The following TAF6 variants were observed in gnomAD, a reference collection of about 807,000 sequenced individuals.
TAF6 encodes transcription initiation factor TFIID subunit 6.
In TAF6, 50 loss-of-function variants were observed where a neutral mutation model predicts 73.5. The observed-to-expected ratio is 0.68, with a 90% CI of 0.54 to 0.86. The LOEUF is 0.86. Among genes scored for constraint, TAF6 ranks in the 40% least tolerant of loss-of-function variants. TAF6 has a pLI of 0.00. For missense variants in TAF6, 768 were observed against 899.5 expected, an observed-to-expected ratio of 0.85 and a Z score of 1.87; for synonymous variants, 424 against 376.7, an observed-to-expected ratio of 1.13 and a Z score of -1.45.
At chr7:100,107,700 C>G (rs1446823513) in intron 14 of TAF6, 77 bp from the exon 15 acceptor site, 2 of 1,551,080 alleles carry the variant, frequency 1.3e-6, no homozygotes, top group African/African-American at 2.8e-5. Context: ...ACGCTTCACT[C>G]GCTCCCTGCC....
At chr7:100,121,781 TG>T (rs772444835), upstream of TAF6, among the ~76,000 whole-genome samples, 1 of 147,004 alleles carries the variant, frequency 6.8e-6, no homozygotes, top group Non-Finnish European at 1.5e-5. Flanking sequence ...CCGGGCGTGG[TG>T]GCTCACGCCT....
intron 1 of TAF6, chr7:100,118,947 C>T: frequency 1.0e-6 from 1 of 985,390 alleles, no homozygotes; most frequent in South Asian, 4.7e-5. Flanking sequence ...CCTACGAATC[C>T]TTCAATACCC....
upstream of TAF6, chr7:100,124,675 C>G (rs1280620877): frequency 6.2e-7 from 1 of 1,611,848 alleles, no homozygotes. Context: ...GCCATAGCCT[C>G]CCCTGCCTCC....
chr7:100,111,550 TAGC>T (rs1797182473), intron 9 of TAF6, among the ~76,000 whole-genome samples, 175 bp downstream of exon 9: 1 of 152,104 alleles, frequency 6.6e-6, no homozygotes. Flanking sequence ...TTTGTAGAGA[TAGC>T]AGTCTCACTA....
upstream of TAF6, chr7:100,122,309 C>G (rs537019181): frequency 4.3e-6 from 7 of 1,613,928 alleles, no homozygotes; most frequent in African/African-American, 6.7e-5. Flanking sequence ...TCGCACCGGT[C>G]GATCTCGAGA....
chr7:100,125,300 C>T, the TAF6 span: 1 of 173,100 alleles, frequency 5.8e-6, no homozygotes, highest in African/African-American at 2.4e-5. Flanking sequence ...TCTCTGCGAT[C>T]TATATACATT....
upstream of TAF6, chr7:100,121,112 A>ATTTTTTTTTTTTTTTTTT (rs1798040006): frequency 9.8e-5 from 3 of 30,710 alleles, no homozygotes; most frequent in Non-Finnish European, 1.8e-4. Context: ...ATATATATAT[A>ATTTTTTTTTTTTTTTTTT]TATATTTTTT....
chr7:100,122,967 T>C, upstream of TAF6: 1 of 1,546,786 alleles, frequency 6.5e-7, no homozygotes, highest in Non-Finnish European at 8.8e-7. Context: ...GGGAGCTAGG[T>C]TCTAGGGTTT....
intron 10 of TAF6, among the ~76,000 whole-genome samples, chr7:100,110,553 C>T (rs568557781): frequency 1.4e-5 from 2 of 147,214 alleles, no homozygotes; most frequent in South Asian, 2.2e-4. Flanking sequence ...GGCTCATACC[C>T]GTAATCCCAG....
chr7:100,113,908 G>A lies in TAF6; in HGVS notation c.203C>T (p.Thr68Ile). The A allele has an allele frequency of 5.6e-6, 9 of 1,614,052 alleles. No individual in the cohort carries two copies. Among genetic ancestry groups the A allele is most frequent in the South Asian group, 2.2e-5 (2 of 91,084 alleles). ...CTTCAAGGCGTAGTCAATGTCACTG[G>A]TGGTGAGCTTCTGCCGCTTCCCCAT... is the stretch of plus-strand genomic sequence containing the variant. The part of the protein sequence containing the change: ...MHMGKRQKLT[T>I]SDIDYALKLK... The change falls in exon 3 of 15, where the codon ACC (threonine) becomes ATC (isoleucine). Residue 68 changes from threonine to isoleucine, a missense_variant. Physicochemically the swap from Thr to Ile is moderately conservative, Grantham distance 89. Coordinates refer to ENST00000453269, the MANE Select transcript of TAF6 (RefSeq NM_139315.3).
At chr7:100,122,140 C>G, upstream of TAF6, 1 of 1,301,606 alleles carries the variant, frequency 7.7e-7, no homozygotes, top group Non-Finnish European at 1.1e-6. Flanking sequence ...GGATTCCAAC[C>G]CAGCCAGTCT....
At chr7:100,109,296 G>C (rs1796929295) in intron 12 of TAF6, among the ~76,000 whole-genome samples, 1 of 151,300 alleles carries the variant, frequency 6.6e-6, no homozygotes, top group South Asian at 2.1e-4. Flanking sequence ...CTGCACTCCA[G>C]CCTGGGTTAC....
chr7:100,122,744 G>A, upstream of TAF6: 5 of 1,592,882 alleles, frequency 3.1e-6, no homozygotes, highest in Non-Finnish European at 4.3e-6. Flanking sequence ...GGAGGGGTGG[G>A]GTGGTGAGCT....
chr7:100,120,128 C>T, upstream of TAF6: 2 of 370,128 alleles, frequency 5.4e-6, no homozygotes, highest in Non-Finnish European at 9.8e-6. Context: ...GTTCAGGGAC[C>T]ATCGGCCCGG....
At chr7:100,122,640 C>T (rs930383753), upstream of TAF6, 1 of 1,518,994 alleles carries the variant, frequency 6.6e-7, no homozygotes, top group East Asian at 2.3e-5. Context: ...TCCCCTGAGG[C>T]CCTCCAGAGG....
Position 100,114,184 on chromosome 7 carries a change from A to G in TAF6, c.26T>C (p.Leu9Pro). ...CTCCGAGGGCAGCACAGTGTTGCTA[A>G]GCTTCAGCTTCTTCTCCTCAGCCAT... Reference protein sequence around the residue: MAEEKKLKLSNTVLPSESM... With the variant: MAEEKKLKPSNTVLPSESM... The change falls in exon 2 of 15, where the codon CTT (leucine) becomes CCT (proline). Residue 9 changes from leucine to proline, a missense_variant. Transcript: ENST00000453269. The G allele has an allele frequency of 6.2e-7, 1 of 1,614,216 alleles. No individual in the cohort carries two copies. Among genetic ancestry groups the G allele is most frequent in the Non-Finnish European group, 8.5e-7 (1 of 1,180,042 alleles).
intron 14 of TAF6, 83 bp from the exon 15 acceptor site, chr7:100,107,706 C>G: frequency 6.5e-7 from 1 of 1,542,706 alleles, no homozygotes. Flanking sequence ...CACTCGCTCC[C>G]TGCCTGAACA....
At chr7:100,109,446 T>G (rs1046043916) in intron 12 of TAF6, among the ~76,000 whole-genome samples, 1 of 151,738 alleles carries the variant, frequency 6.6e-6, no homozygotes, top group African/African-American at 2.4e-5. Context: ...GACCACAGAG[T>G]AACAGGAGCA....
At chr7:100,122,269 G>C (rs777323353), upstream of TAF6, 3 of 1,613,642 alleles carry the variant, frequency 1.9e-6, no homozygotes, top group East Asian at 4.5e-5. Context: ...TGTGTAAGCT[G>C]CTGAGCACAG....
Sources: gnomAD v4.1 joint callset for allele counts (sites outside exome capture counted in the v4.1 genomes callset) on GRCh38, gnomAD v4.1.1 for gene constraint, MANE v1.5 for transcripts, NCBI Gene and HGNC (gene_info 2026-07-23, HGNC 2026-07-21) for gene names.